The following MTG1 variants were observed in gnomAD, a reference collection of about 807,000 sequenced individuals.
MTG1 encodes mitochondrial ribosome associated GTPase 1, also known as mitochondrial ribosome-associated GTPase 1.
MTG1 carries 30 observed loss-of-function variants against 39.5 expected under a neutral mutation model. That is an observed-to-expected ratio of 0.76 (90% CI 0.57 to 1.03). The LOEUF is 1.03. Ranked by LOEUF, MTG1 falls within the 50% of genes least tolerant of loss-of-function variation. The probability of loss-of-function intolerance (pLI) is 0.00; values close to 1 mark genes in which losing one functional copy is unlikely to be tolerated. For missense variants in MTG1, 513 were observed against 447.4 expected (o/e 1.15, Z -1.32); for synonymous variants, 217 against 179.0 (o/e 1.21, Z -1.69).
At chr10:133,399,396 C>A in intron 5 of MTG1, 133 bp from the exon 6 acceptor site, 1 of 1,184,318 alleles carries the variant, frequency 8.4e-7, no homozygotes, top group South Asian at 1.3e-5. Flanking sequence ...GCTGGGTGGG[C>A]AGAGCCTCGG....
intron 9 of MTG1, among the ~76,000 whole-genome samples, chr10:133,410,610 G>C (rs549670017): frequency 1.3e-5 from 2 of 152,158 alleles, no homozygotes; most frequent in Non-Finnish European, 2.9e-5. Context: ...TTTATAACAA[G>C]TTATTTAGTT....
chr10:133,394,456 C>A, intron 1 of MTG1, 124 bp downstream of exon 1: 1 of 1,325,628 alleles, frequency 7.5e-7, no homozygotes, highest in Non-Finnish European at 9.7e-7. Context: ...GCCCCTCCTC[C>A]CTTGTCTCCC....
intron 10 of MTG1, 49 bp downstream of exon 10, chr10:133,419,641 G>T (rs1420806848): frequency 6.8e-7 from 1 of 1,468,816 alleles, no homozygotes. Context: ...CCATCACCCT[G>T]GGGGACCCCG....
chr10:133,394,988 C>T (rs1192236112), intron 1 of MTG1, among the ~76,000 whole-genome samples: 1 of 152,122 alleles, frequency 6.6e-6, no homozygotes, highest in Non-Finnish European at 1.5e-5. Context: ...AAGCTGGAAG[C>T]TTTGTTATCT....
In MTG1 at chr10:133,402,449, T is replaced by C; in HGVS notation, c.670+204T>C. The C allele has an allele frequency of 1.4e-6, 1 of 700,482 alleles. No individual in the cohort carries two copies. Among genetic ancestry groups the C allele is most frequent in the African/African-American group, 1.8e-5 (1 of 56,470 alleles). 43.4% of individuals were successfully genotyped at this position (700,482 alleles called of 1,614,324 possible). ...CTGGTCACCATTCCACCCTGCCCCA[T>C]GAGTGGCCTTCCCTTTCCCCATTTG... On this transcript the variant is annotated intron_variant, in intron 8 of 10. Coordinates refer to ENST00000317502, the MANE Select transcript of MTG1 (RefSeq NM_138384.4). The surrounding 1 kb of genome is among the most constrained non-coding windows in gnomAD (Gnocchi z 4.7).
chr10:133,420,283 G>A lies in MTG1; in HGVS notation c.*118G>A. 6.3e-6 allele frequency: 8 copies of A among 1,264,826 alleles called. No individual in the cohort carries two copies. Among genetic ancestry groups the A allele is most frequent in the Non-Finnish European group, 7.4e-6 (7 of 951,648 alleles). The allele number at this position is 1,264,826 out of a possible 1,614,324, so 78.4% of individuals were successfully genotyped here. ...GCTCCATGCTGGTCACTAGGGTGCT[G>A]TGCTCTCTGGCGCCCCACAGCCTGG... On this transcript the variant is annotated 3_prime_UTR_variant, in exon 11 of 11. Coordinates refer to ENST00000317502, the MANE Select transcript of MTG1 (RefSeq NM_138384.4).
intron 9 of MTG1, among the ~76,000 whole-genome samples, chr10:133,406,319 G>A (rs1252704054): frequency 6.6e-6 from 1 of 152,006 alleles, no homozygotes; most frequent in Non-Finnish European, 1.5e-5. Context: ...CTTGCTTCGG[G>A]TCTTGCCGTG....
Position 133,395,781 on chromosome 10 carries a change from T to A in MTG1, c.177+4T>A. On this transcript the variant is annotated splice_donor_region_variant and intron_variant, in intron 2 of 10. Transcript: ENST00000317502. ...CATCGAGGTCCACGATGCCCGGATA[T>A]CCTTTCACAGAGCAGGGGAGGCCCC... The A allele has an allele frequency of 6.2e-7, 1 of 1,613,946 alleles. No individual in the cohort carries two copies. The highest frequency in any genetic ancestry group is 1.3e-5 in the African/African-American group (1 of 75,058).
rs1184069528 is a variant in MTG1, at chr10:133,416,619, G to GTTCAATTCCCACCTATGAGTGAGAA, written c.753-2859_753-2835dup. Among the ~76,000 whole-genome samples the GTTCAATTCCCACCTATGAGTGAGAA allele has an allele frequency of 2.2e-5, 3 of 135,506 alleles. No individual in the cohort carries two copies. The East Asian group carries it at 6.7e-4, about 30-fold the overall frequency. The allele number at this position is 135,506 out of a possible 152,430, so 88.9% of individuals were successfully genotyped here. A position where few individuals can be genotyped will look rare whatever the true frequency, so the allele number is the denominator to read the frequency against. On this transcript the variant is annotated intron_variant, in intron 9 of 10. Transcript: ENST00000317502. ...CTTCCTGTGTCCATGTGTTCTCATT[G>GTTCAATTCCCACCTATGAGTGAGAA]TTCAATTCCCACCTATGAGTGAGAA...
At chr10:133,415,869 G>A (rs1319174141) in intron 9 of MTG1, among the ~76,000 whole-genome samples, 1 of 151,068 alleles carries the variant, frequency 6.6e-6, no homozygotes, top group African/African-American at 2.4e-5. Context: ...GTGGGTATCA[G>A]GCATGCAGTT....
intron 9 of MTG1, among the ~76,000 whole-genome samples, chr10:133,415,128 T>C (rs1020186654): frequency 1.3e-5 from 2 of 151,766 alleles, no homozygotes; most frequent in African/African-American, 4.8e-5. Flanking sequence ...ACAGTCCAGC[T>C]TCGGCTCGGC....
chr10:133,407,181 G>A (rs190273886), intron 9 of MTG1, among the ~76,000 whole-genome samples: 17 of 152,264 alleles, frequency 1.1e-4, no homozygotes, highest in African/African-American at 1.9e-4. Context: ...TGCCAGTAGC[G>A]TGCTGTTTTT....
intron 9 of MTG1, among the ~76,000 whole-genome samples, chr10:133,404,726 G>A (rs1437588875): frequency 6.6e-6 from 1 of 152,172 alleles, no homozygotes; most frequent in Non-Finnish European, 1.5e-5. Flanking sequence ...TATGGTACAA[G>A]CTGCAGATTG....
At chr10:133,401,728 G>A in intron 7 of MTG1, 138 bp downstream of exon 7, 1 of 821,718 alleles carries the variant, frequency 1.2e-6, no homozygotes, top group South Asian at 1.4e-5. Flanking sequence ...AGCACCCCCG[G>A]GGCAGGCACT....
chr10:133,408,783 TTG>T (rs1393231646), intron 9 of MTG1, among the ~76,000 whole-genome samples: 1 of 152,218 alleles, frequency 6.6e-6, no homozygotes, highest in Non-Finnish European at 1.5e-5. Flanking sequence ...TGCAGGGTGT[TTG>T]TATCCAGGAA....
At chr10:133,415,308 C>A (rs1039829603) in intron 9 of MTG1, among the ~76,000 whole-genome samples, 4 of 152,252 alleles carry the variant, frequency 2.6e-5, no homozygotes, top group African/African-American at 9.6e-5. Context: ...GATTTTACTT[C>A]TGTCTGAAGG....
At chr10:133,396,038 C>G (rs902075577) in intron 2 of MTG1, 125 bp from the exon 3 acceptor site, 1 of 931,222 alleles carries the variant, frequency 1.1e-6, no homozygotes. Context: ...TTCCTGCCAA[C>G]TGGGGCTTTT....
At chr10:133,401,900 C>T in intron 7 of MTG1, 1 of 572,098 alleles carries the variant, frequency 1.7e-6, no homozygotes. Flanking sequence ...CCACTCCCTT[C>T]CTTGTGTTCT....
Position 133,402,997 on chromosome 10 carries a change from GCTC to G in MTG1, c.752+228_752+230del, listed in dbSNP as rs1849910347. Among the ~76,000 whole-genome samples the G allele has an allele frequency of 6.7e-6, 1 of 150,360 alleles. No homozygotes were observed. Among genetic ancestry groups the G allele is most frequent in the African/African-American group, 2.5e-5 (1 of 40,646 alleles). On this transcript the variant is annotated intron_variant, in intron 9 of 10. Coordinates refer to ENST00000317502, the MANE Select transcript of MTG1 (RefSeq NM_138384.4). This position sits in a 1 kb window ranked among gnomAD's most constrained non-coding sequence, Gnocchi z 4.7. ...AGCGTTCCCGTCACCCCCAGTCCCT[GCTC>G]CTCTTTCGTGAAATCAAGGAAACGA...
Sources: gnomAD v4.1 joint callset for allele counts (sites outside exome capture counted in the v4.1 genomes callset) on GRCh38, gnomAD v4.1.1 for gene constraint, Gnocchi (gnomAD v3.1) non-coding constraint, MANE v1.5 for transcripts, NCBI Gene and HGNC (gene_info 2026-07-23, HGNC 2026-07-21) for gene names.